The following AFF1 variants were observed in gnomAD, a reference collection of about 807,000 sequenced individuals.
AFF1 encodes the protein AF4/FMR2 family member 1.
Under a neutral mutation model 121.7 loss-of-function variants are expected in AFF1, and 48 were observed. The ratio of observed to expected loss-of-function variants is 0.39; its 90% CI spans 0.31 to 0.50. The LOEUF (loss-of-function observed/expected upper bound fraction) is 0.50, where lower values mean the gene tolerates loss of function less well. AFF1 is among the 20% of genes least tolerant of loss of function. The pLI is 0.76. For synonymous variants in AFF1, 613 were observed against 563.0 expected (o/e 1.09, Z -1.26); for missense variants, 1,523 against 1,511.7 (o/e 1.01, Z -0.12).
At chr4:87,123,805 C>G (rs572544321) in intron 12 of AFF1, among the ~76,000 whole-genome samples, 1 of 152,212 alleles carries the variant, frequency 6.6e-6, no homozygotes, top group Non-Finnish European at 1.5e-5. Flanking sequence ...GAGGAAGACA[C>G]AGGAAAACTG....
At chr4:86,980,399 G>A (rs1044635016) in intron 2 of AFF1, among the ~76,000 whole-genome samples, 1 of 152,152 alleles carries the variant, frequency 6.6e-6, no homozygotes, top group African/African-American at 2.4e-5. Context: ...AGTCTAAGGT[G>A]GTAGTATAGT....
intron 2 of AFF1, among the ~76,000 whole-genome samples, chr4:87,003,084 C>CTGT (rs1725848089): frequency 6.6e-6 from 1 of 152,042 alleles, no homozygotes; most frequent in South Asian, 2.1e-4. Context: ...ATCATTTCTC[C>CTGT]TGTACTTAGT....
intron 1 of AFF1, among the ~76,000 whole-genome samples, chr4:86,944,125 CAG>C (rs1354393622): frequency 1.6e-5 from 2 of 123,930 alleles, no homozygotes; most frequent in Non-Finnish European, 3.2e-5. Flanking sequence ...GCCTGGGTGA[CAG>C]AGCAAGACCC....
chr4:87,022,588 CTATA>C (rs201253125), intron 2 of AFF1, among the ~76,000 whole-genome samples: 7,454 of 108,154 alleles, frequency 0.069, 874 homozygotes, highest in African/African-American at 0.22. Context: ...ATATATCTAT[CTATA>C]TCTATCTGTG....
intron 2 of AFF1, among the ~76,000 whole-genome samples, chr4:86,954,156 C>T (rs1721578110): frequency 6.6e-6 from 1 of 152,150 alleles, no homozygotes; most frequent in South Asian, 2.1e-4. Flanking sequence ...GTTTTGTCTG[C>T]TTTTCAATTT....
intron 16 of AFF1, among the ~76,000 whole-genome samples, chr4:87,128,398 G>T (rs1728497768): frequency 6.6e-6 from 1 of 152,140 alleles, no homozygotes; most frequent in Admixed American, 6.5e-5. Flanking sequence ...ATGAGATAAT[G>T]TTTGCCCTTT....
At chr4:87,061,874 C>A (rs942998657) in intron 4 of AFF1, among the ~76,000 whole-genome samples, 1 of 152,134 alleles carries the variant, frequency 6.6e-6, no homozygotes, top group South Asian at 2.1e-4. Context: ...ATTTCTCAAA[C>A]TTTTGAAAGG....
chr4:86,958,063 C>G (rs1387596742), intron 2 of AFF1, among the ~76,000 whole-genome samples: 1 of 148,326 alleles, frequency 6.7e-6, no homozygotes, highest in Non-Finnish European at 1.5e-5. Context: ...AATACCTAGT[C>G]TATCTCTGAA....
chr4:87,070,600 A>G (rs1454633374), intron 4 of AFF1, among the ~76,000 whole-genome samples: 2 of 152,284 alleles, frequency 1.3e-5, no homozygotes, highest in Admixed American at 6.5e-5. Flanking sequence ...ATGTGCATGC[A>G]CACTCCATCC....
intron 5 of AFF1, among the ~76,000 whole-genome samples, chr4:87,086,136 C>A (rs1009732928): frequency 2.0e-5 from 3 of 152,158 alleles, no homozygotes; most frequent in African/African-American, 7.2e-5. Context: ...TCATCCTTTT[C>A]CTCTTCTGTT....
chr4:87,016,024 T>C (rs1477120769), intron 2 of AFF1, among the ~76,000 whole-genome samples: 1 of 152,190 alleles, frequency 6.6e-6, no homozygotes, highest in Non-Finnish European at 1.5e-5. Context: ...CTACTAAAAA[T>C]ACAAACATTA....
rs68156863 is a variant in AFF1, at chr4:87,012,217, C to CTTTTTTTTT, written c.39-33947_39-33946insTTTTTTTTT. Among the ~76,000 whole-genome samples, 97 of 115,080 alleles carry CTTTTTTTTT rather than the reference C, an allele frequency of 8.4e-4. 3 individuals are homozygous for CTTTTTTTTT. Among genetic ancestry groups the CTTTTTTTTT allele is most frequent in the East Asian group, 2.4e-3 (9 of 3,718 alleles). 75.5% of individuals were successfully genotyped at this position (115,080 alleles called of 152,430 possible). A position where few individuals can be genotyped will look rare whatever the true frequency, so the allele number is the denominator to read the frequency against. On this transcript the variant is annotated intron_variant, in intron 2 of 20. Transcript: ENST00000395146. ...GTTAGCAAACTTCTCCATTTCATTT[C>CTTTTTTTTT]TTGTTTTTTTTTTTTTTTGTATAAC...
chr4:87,036,521 A>G (rs1729576724), intron 2 of AFF1, among the ~76,000 whole-genome samples: 1 of 152,128 alleles, frequency 6.6e-6, no homozygotes, highest in African/African-American at 2.4e-5. Flanking sequence ...TGTGCTGCAC[A>G]TGGGAATACA....
intron 1 of AFF1, among the ~76,000 whole-genome samples, chr4:86,937,827 G>T (rs1490063765): frequency 6.6e-6 from 1 of 152,014 alleles, no homozygotes; most frequent in Non-Finnish European, 1.5e-5. Context: ...GGTGGGTCTT[G>T]AACTCCTGGC....
At chr4:86,936,370 A>G (rs72667727) in intron 1 of AFF1, 21,744 of 152,270 alleles carry the variant, frequency 0.14, 2,052 homozygotes, top group East Asian at 0.3. Flanking sequence ...TTGCAAAGTG[A>G]GAAGAGCTCA....
intron 4 of AFF1, among the ~76,000 whole-genome samples, chr4:87,063,703 G>A (rs1374904110): frequency 6.6e-6 from 1 of 152,222 alleles, no homozygotes; most frequent in Non-Finnish European, 1.5e-5. Flanking sequence ...AAATGGGACA[G>A]TATTTCCTGA....
At chr4:87,053,036 A>G (rs956877427) in intron 4 of AFF1, among the ~76,000 whole-genome samples, 3 of 152,186 alleles carry the variant, frequency 2.0e-5, no homozygotes, top group African/African-American at 7.2e-5. Context: ...CCAGGTAGAG[A>G]TGACAAGTGG....
At chr4:87,073,898 A>G (rs553745102) in intron 4 of AFF1, among the ~76,000 whole-genome samples, 39 of 152,330 alleles carry the variant, frequency 2.6e-4, no homozygotes, top group African/African-American at 8.4e-4. Flanking sequence ...ATGGTTGACA[A>G]AGTAATTTAA....
At chr4:87,073,839 C>G (rs1722377813) in intron 4 of AFF1, among the ~76,000 whole-genome samples, 1 of 152,148 alleles carries the variant, frequency 6.6e-6, no homozygotes, top group African/African-American at 2.4e-5. Flanking sequence ...TTTGCACTTT[C>G]ATTTGACAGA....
Sources: allele counts gnomAD v4.1 joint callset (sites outside exome capture counted in the v4.1 genomes callset), GRCh38; gene constraint gnomAD v4.1.1; transcripts MANE v1.5; gene names NCBI Gene and HGNC (gene_info 2026-07-23, HGNC 2026-07-21).